Variants in NAA15 observed in about 807,000 individuals in gnomAD.
The protein encoded by NAA15 is N-alpha-acetyltransferase 15, NatA auxiliary subunit, also known as N-terminal acetyltransferase.
A neutral mutation model predicts 114.0 loss-of-function variants in NAA15; 34 were observed. The ratio of observed to expected loss-of-function variants is 0.30; its 90% CI spans 0.23 to 0.40. The LOEUF is 0.40. NAA15 is among the 10% of genes least tolerant of loss of function. NAA15 has a pLI of 1.00. For missense variants in NAA15, 658 were observed against 1,004.5 expected, an observed-to-expected ratio of 0.66 and a Z score of 4.66; for synonymous variants, 340 against 338.0, an observed-to-expected ratio of 1.01 and a Z score of -0.06.
At position 139,390,381 on chromosome 4, in the gene NAA15, T is replaced by A. The variant is rs1054961674; in HGVS notation, c.*2297T>A. On this transcript the variant is annotated 3_prime_UTR_variant, in exon 20 of 20. Coordinates refer to ENST00000296543, the MANE Select transcript of NAA15 (RefSeq NM_057175.5). Reference sequence around the variant, plus strand: ...TGTCCAGACATCACCCCTGAAACACTGTACTGTACTATCTTGCTCTGAGTA... The same window carrying A: ...TGTCCAGACATCACCCCTGAAACACAGTACTGTACTATCTTGCTCTGAGTA... The A allele has an allele frequency of 6.6e-6, 1 of 152,642 alleles. No homozygotes were observed. The highest frequency in any genetic ancestry group is 1.5e-5 in the Non-Finnish European group (1 of 68,040). 9.5% of individuals were successfully genotyped at this position (152,642 alleles called of 1,614,324 possible). A position where few individuals can be genotyped will look rare whatever the true frequency, so the allele number is the denominator to read the frequency against.
chr4:139,342,831 G>C lies in NAA15; in HGVS notation c.408G>C (p.Thr136=). Reference sequence around the variant, plus strand: ...TTATTTTTTTCCTTTTAAAGGAAACGAGGTATCAGTTACTTCAGCTTCGAC... The same window carrying C: ...TTATTTTTTTCCTTTTAAAGGAAACCAGGTATCAGTTACTTCAGCTTCGAC... The part of the protein sequence containing the change: ...QMRDLEGYRE[T]RYQLLQLRPA... Residue 136 remains threonine, a synonymous_variant, in exon 5 of 20, where the codon ACG becomes ACC. Coordinates refer to ENST00000296543, the MANE Select transcript of NAA15 (RefSeq NM_057175.5). The C allele has an allele frequency of 1.2e-6, 2 of 1,607,358 alleles. No homozygotes were observed. The highest frequency in any genetic ancestry group is 1.1e-5 in the South Asian group (1 of 89,390).
chr4:139,360,485 T>A lies in NAA15; in HGVS notation c.1411-15T>A, dbSNP rs776530094. On this transcript the variant is annotated splice_polypyrimidine_tract_variant and intron_variant, in intron 12 of 19. Coordinates refer to ENST00000296543, the MANE Select transcript of NAA15 (RefSeq NM_057175.5). ...TGATAAAAAGTGATCTTGAAAATAT[T>A]TGATTTCTGTATAGGAAGGAACATC... is the stretch of plus-strand genomic sequence containing the variant. The A allele has an allele frequency of 3.4e-5, 51 of 1,513,062 alleles. No homozygotes were observed. The highest frequency in any genetic ancestry group is 4.3e-5 in the Non-Finnish European group (49 of 1,130,946). The allele number at this position is 1,513,062 out of a possible 1,614,324, so 93.7% of individuals were successfully genotyped here. A position where few individuals can be genotyped will look rare whatever the true frequency, so the allele number is the denominator to read the frequency against.
At chr4:139,317,345 C>T (rs12639816) in intron 1 of NAA15, among the ~76,000 whole-genome samples, 8,302 of 151,940 alleles carry the variant, frequency 0.055, 302 homozygotes, top group East Asian at 0.1. Flanking sequence ...GATCGTGGGC[C>T]GGGCGCGGTG....
chr4:139,360,056 T>C (rs1748084309), intron 12 of NAA15, among the ~76,000 whole-genome samples, 161 bp downstream of exon 12: 1 of 152,204 alleles, frequency 6.6e-6, no homozygotes, highest in Non-Finnish European at 1.5e-5. Context: ...GGAGTCAACA[T>C]TGATATAAAG....
At chr4:139,319,827 A>C (rs1364439061) in intron 1 of NAA15, among the ~76,000 whole-genome samples, 1 of 152,192 alleles carries the variant, frequency 6.6e-6, no homozygotes, top group East Asian at 1.9e-4. Context: ...GTGCCTGGCG[A>C]CTGAGAATGT....
chr4:139,301,562 G>C lies in NAA15; in HGVS notation c.-216G>C, dbSNP rs536644156. The C allele has an allele frequency of 1.5e-5, 9 of 589,756 alleles. No individual in the cohort carries two copies. The highest frequency in any genetic ancestry group is 7.6e-5 in the African/African-American group (4 of 52,626). The allele number at this position is 589,756 out of a possible 1,614,324, so 36.5% of individuals were successfully genotyped here. On this transcript the variant is annotated 5_prime_UTR_variant, in exon 1 of 20. Coordinates refer to ENST00000296543, the MANE Select transcript of NAA15 (RefSeq NM_057175.5). ...TGAACCGCCGACGGAGACCCGTAGT[G>C]GGGGAGGCGGCGGCAGCGTTAAGTG...
At chr4:139,303,955 T>C (rs1009078141) in intron 1 of NAA15, among the ~76,000 whole-genome samples, 1 of 152,184 alleles carries the variant, frequency 6.6e-6, no homozygotes, top group Non-Finnish European at 1.5e-5. Context: ...TCTCGCTCTG[T>C]CGCCCAGGCT....
intron 5 of NAA15, among the ~76,000 whole-genome samples, chr4:139,343,491 A>T (rs1235907157): frequency 6.6e-6 from 1 of 151,788 alleles, no homozygotes; most frequent in Non-Finnish European, 1.5e-5. Context: ...TTAATCTGAA[A>T]CAGTTTTGAA....
In NAA15 at chr4:139,315,011, G is replaced by GTTTAGT. The variant is rs59026436; in HGVS notation, c.54+13182_54+13183insTAGTTT. Among the ~76,000 whole-genome samples, 353 of 86,966 alleles carry GTTTAGT rather than the reference G, an allele frequency of 4.1e-3. 15 individuals are homozygous for GTTTAGT. Among genetic ancestry groups the GTTTAGT allele is most frequent in the Admixed American group, 7.0e-3 (56 of 8,002 alleles). 57.1% of individuals were successfully genotyped at this position (86,966 alleles called of 152,430 possible). ...TTCAGTTCAGTTCAGTTTAGTTTAGGTTAGGTTAGGTTAGGTTAGGTTAGG... is the reference window on the plus strand; with the variant it reads ...TTCAGTTCAGTTCAGTTTAGTTTAGGTTTAGTTTAGGTTAGGTTAGGTTAGGTTAGG... On this transcript the variant is annotated intron_variant, in intron 1 of 19. Transcript: ENST00000296543.
intron 1 of NAA15, among the ~76,000 whole-genome samples, chr4:139,327,020 C>T (rs1373529649): frequency 6.6e-6 from 1 of 152,100 alleles, no homozygotes; most frequent in East Asian, 1.9e-4. Flanking sequence ...ACTGCAGCCT[C>T]AACCTCCTAG....
intron 11 of NAA15, among the ~76,000 whole-genome samples, chr4:139,358,147 A>C (rs1748018689): frequency 6.6e-6 from 1 of 151,944 alleles, no homozygotes; most frequent in Non-Finnish European, 1.5e-5. Flanking sequence ...AAAATAATGA[A>C]ATTAAGTAAT....
chr4:139,348,407 C>A (rs926847637), intron 6 of NAA15, among the ~76,000 whole-genome samples: 1 of 149,324 alleles, frequency 6.7e-6, no homozygotes, highest in Admixed American at 6.7e-5. Context: ...CATGATCGAT[C>A]GCACCACTGC....
rs1022823407 is a variant in NAA15 at position 139,384,769 on chromosome 4, A to G, written c.2156-63A>G. ...GACCCTGTCTCAAACACAAACAAAAATAAACTTTTGTAAACTTTATCAGAG... is the reference window on the plus strand; with the variant it reads ...GACCCTGTCTCAAACACAAACAAAAGTAAACTTTTGTAAACTTTATCAGAG... On this transcript the variant is annotated intron_variant, in intron 17 of 19. Coordinates refer to ENST00000296543, the MANE Select transcript of NAA15 (RefSeq NM_057175.5). 40 of 1,137,568 alleles carry G rather than the reference A, an allele frequency of 3.5e-5. No individual in the cohort carries two copies. In the South Asian group the frequency reaches 5.0e-4, roughly 14 times the overall value. 70.5% of individuals were successfully genotyped at this position (1,137,568 alleles called of 1,614,324 possible). A position where few individuals can be genotyped will look rare whatever the true frequency, so the allele number is the denominator to read the frequency against.
At chr4:139,371,542 C>CACACACACACA (rs1579131322) in intron 15 of NAA15, among the ~76,000 whole-genome samples, 2 of 138,626 alleles carry the variant, frequency 1.4e-5, no homozygotes, top group East Asian at 2.1e-4. Flanking sequence ...CACACACACA[C>CACACACACACA]GAAATATAGA....
At chr4:139,352,598 G>A (rs892165550) in intron 9 of NAA15, among the ~76,000 whole-genome samples, 3 of 150,918 alleles carry the variant, frequency 2.0e-5, no homozygotes, top group Non-Finnish European at 3.0e-5. Context: ...GAGACCCAAC[G>A]TATGGGCTTT....
intron 1 of NAA15, among the ~76,000 whole-genome samples, chr4:139,310,250 C>T (rs985466424): frequency 6.6e-6 from 1 of 151,604 alleles, no homozygotes; most frequent in Non-Finnish European, 1.5e-5. Flanking sequence ...GTCAGGAGAT[C>T]GAGACCATCC....
intron 9 of NAA15, among the ~76,000 whole-genome samples, chr4:139,353,141 A>G (rs762361872): frequency 2.6e-5 from 4 of 152,212 alleles, no homozygotes; most frequent in Admixed American, 6.5e-5. Context: ...TTGGTATTCA[A>G]CTTATGGAAC....
intron 14 of NAA15, among the ~76,000 whole-genome samples, chr4:139,369,576 A>G (rs1289283123): frequency 2.0e-5 from 3 of 151,906 alleles, no homozygotes; most frequent in Non-Finnish European, 4.4e-5. Context: ...CGTCTCTACT[A>G]AAAATACAAA....
intron 1 of NAA15, among the ~76,000 whole-genome samples, chr4:139,316,983 T>C (rs1746431144): frequency 6.6e-6 from 1 of 151,784 alleles, no homozygotes; most frequent in Non-Finnish European, 1.5e-5. Flanking sequence ...CTGTTGCCTT[T>C]GATCTTACAT....
Sources: gnomAD v4.1 joint callset for allele counts (sites outside exome capture counted in the v4.1 genomes callset) on GRCh38, gnomAD v4.1.1 for gene constraint, MANE v1.5 for transcripts, NCBI Gene and HGNC (gene_info 2026-07-23, HGNC 2026-07-21) for gene names.